FSHR: variants seen among roughly 807,000 people sequenced by gnomAD.
FSHR encodes the protein follicle stimulating hormone receptor, also known as follicle-stimulating hormone receptor.
A neutral mutation model predicts 52.1 loss-of-function variants in FSHR; 46 were observed. The ratio of observed to expected loss-of-function variants is 0.88; its 90% confidence interval spans 0.70 to 1.13. The LOEUF is 1.13. Among genes scored for constraint, FSHR ranks in the 50% most tolerant of loss-of-function variants. The pLI, the probability that FSHR is intolerant of heterozygous loss-of-function variation, is 0.00. For synonymous variants in FSHR, 399 were observed against 309.6 expected, an observed-to-expected ratio of 1.29 and a Z score of -3.03; for missense variants, 964 against 834.6, an observed-to-expected ratio of 1.16 and a Z score of -1.91.
At chr2:48,982,819 C>G (rs1450939415) in intron 8 of FSHR, 93 bp downstream of exon 8, 2 of 1,100,030 alleles carry the variant, frequency 1.8e-6, no homozygotes, top group Non-Finnish European at 1.4e-6. Context: ...ATGGCCAGCC[C>G]TGTGTTGGAA....
rs984243877 is a variant in FSHR, at chr2:49,068,277, T to C, written c.166A>G (p.Thr56Ala). 4 of 1,611,652 alleles carry C rather than the reference T, an allele frequency of 2.5e-6. No homozygotes were observed. Among genetic ancestry groups the C allele is most frequent in the Non-Finnish European group, 3.4e-6 (4 of 1,178,600 alleles). ...CCTTTTTGGATGACTCGAAGCTTGG[T>C]GAGGACAAACCTCCTGCAAAGAGAG... ...RNAIELRFVL[T>A]KLRVIQKGAF... is the part of the protein sequence containing the mutation. Residue 56 changes from threonine (T) to alanine (A), a missense_variant, in exon 2 of 10, where the codon ACC becomes GCC. Coordinates refer to ENST00000406846, the MANE Select transcript of FSHR (RefSeq NM_000145.4).
chr2:49,088,701 T>A (rs1670489795), intron 1 of FSHR, among the ~76,000 whole-genome samples: 1 of 152,160 alleles, frequency 6.6e-6, no homozygotes, highest in South Asian at 2.1e-4. Flanking sequence ...GACTGTCACA[T>A]AAAGGTTGGT....
chr2:49,119,169 A>G (rs1185916056), intron 1 of FSHR, among the ~76,000 whole-genome samples: 1 of 152,204 alleles, frequency 6.6e-6, no homozygotes, highest in Non-Finnish European at 1.5e-5. Context: ...TTTAAGAATG[A>G]AGACTGATAT....
chr2:49,151,727 C>A (rs1366851200), intron 1 of FSHR, among the ~76,000 whole-genome samples: 1 of 152,074 alleles, frequency 6.6e-6, no homozygotes, highest in Non-Finnish European at 1.5e-5. Context: ...AGTTAATACG[C>A]AAACTTGGAA....
intron 1 of FSHR, among the ~76,000 whole-genome samples, chr2:49,110,468 A>G (rs1247260073): frequency 6.6e-6 from 1 of 152,182 alleles, no homozygotes; most frequent in African/African-American, 2.4e-5. Context: ...TACTACATCC[A>G]CCGATATTCC....
chr2:49,000,436 T>C (rs1367582895), intron 4 of FSHR, among the ~76,000 whole-genome samples: 2 of 152,158 alleles, frequency 1.3e-5, no homozygotes, highest in East Asian at 1.9e-4. Flanking sequence ...CTATTGATGT[T>C]TGTGCTTTTA....
chr2:49,070,945 G>T (rs1669705929), intron 1 of FSHR, among the ~76,000 whole-genome samples: 1 of 152,124 alleles, frequency 6.6e-6, no homozygotes, highest in Non-Finnish European at 1.5e-5. Context: ...ATGGAACCCT[G>T]AGCAGTGGTG....
At chr2:49,021,071 C>T (rs998296679) in intron 2 of FSHR, among the ~76,000 whole-genome samples, 2 of 151,948 alleles carry the variant, frequency 1.3e-5, no homozygotes, top group African/African-American at 4.8e-5. Context: ...ACCTGCACAT[C>T]CTGCACATGT....
intron 1 of FSHR, among the ~76,000 whole-genome samples, chr2:49,103,512 C>T (rs1283144675): frequency 6.6e-6 from 1 of 152,052 alleles, no homozygotes; most frequent in Non-Finnish European, 1.5e-5. Flanking sequence ...TAGTTGTGAT[C>T]CTCAGCACAG....
chr2:48,987,697 T>G (rs1277779058), intron 6 of FSHR, among the ~76,000 whole-genome samples: 1 of 152,184 alleles, frequency 6.6e-6, no homozygotes, highest in African/African-American at 2.4e-5. Flanking sequence ...CATCACAGAC[T>G]AGTGAGATTA....
At chr2:49,070,257 C>T (rs1490316733) in intron 1 of FSHR, among the ~76,000 whole-genome samples, 1 of 152,064 alleles carries the variant, frequency 6.6e-6, no homozygotes, top group Non-Finnish European at 1.5e-5. Context: ...GAGTTTTGAA[C>T]CCAAGCCTCA....
intron 2 of FSHR, among the ~76,000 whole-genome samples, chr2:49,044,425 G>T (rs575825194): frequency 1.3e-5 from 2 of 152,284 alleles, no homozygotes; most frequent in South Asian, 4.1e-4. Context: ...ACATGGTAAT[G>T]AACTCTTATT....
intron 8 of FSHR, among the ~76,000 whole-genome samples, chr2:48,982,330 T>C (rs1289643508): frequency 6.6e-6 from 1 of 152,156 alleles, no homozygotes; most frequent in Non-Finnish European, 1.5e-5. Flanking sequence ...GGGGTGCTGA[T>C]GCAGGGCTGT....
intron 2 of FSHR, among the ~76,000 whole-genome samples, chr2:49,026,225 A>G (rs1006544357): frequency 6.6e-6 from 1 of 152,248 alleles, no homozygotes; most frequent in African/African-American, 2.4e-5. Flanking sequence ...AAATACATCA[A>G]CAACAAACGA....
chr2:48,975,291 C>T (rs943627323), intron 8 of FSHR, among the ~76,000 whole-genome samples: 13 of 151,986 alleles, frequency 8.6e-5, no homozygotes, highest in Middle Eastern at 3.4e-3. Flanking sequence ...TACCAGTTTC[C>T]CTCCCCCACC....
intron 8 of FSHR, among the ~76,000 whole-genome samples, chr2:48,974,985 C>T (rs930334762): frequency 1.4e-4 from 21 of 151,958 alleles, no homozygotes; most frequent in South Asian, 4.2e-4. Flanking sequence ...TATACATGGG[C>T]GTGGGTGGGG....
intron 9 of FSHR, among the ~76,000 whole-genome samples, chr2:48,967,152 G>A (rs895731232): frequency 6.6e-6 from 1 of 152,166 alleles, no homozygotes. Flanking sequence ...CTGAAGTACA[G>A]TGGCACAATT....
intron 2 of FSHR, among the ~76,000 whole-genome samples, chr2:49,056,699 A>T (rs974491785): frequency 6.6e-6 from 1 of 151,986 alleles, no homozygotes. Flanking sequence ...CAGCTGCAGG[A>T]TACAAATTCT....
chr2:48,990,509 G>T (rs557996813), intron 5 of FSHR, 57 bp downstream of exon 5: 2 of 1,127,632 alleles, frequency 1.8e-6, no homozygotes, highest in Non-Finnish European at 1.4e-6. Context: ...CCAGATAGCC[G>T]TTGGGCAAGA....
Sources: gnomAD v4.1 joint callset for allele counts (sites outside exome capture counted in the v4.1 genomes callset) on GRCh38, gnomAD v4.1.1 for gene constraint, MANE v1.5 for transcripts, NCBI Gene and HGNC (gene_info 2026-07-23, HGNC 2026-07-21) for gene names.